ZNF33B: variants seen among roughly 807,000 people sequenced by gnomAD.
ZNF33B encodes the protein zinc finger protein 11b (KOX 2).
Under a neutral mutation model 45.8 loss-of-function variants are expected in ZNF33B, and 29 were observed. The observed-to-expected ratio is 0.63, with a 90% CI of 0.47 to 0.86. The LOEUF (loss-of-function observed/expected upper bound fraction) is 0.86. Among genes scored for constraint, ZNF33B ranks in the 40% least tolerant of loss-of-function variants. The pLI is 0.00. For missense variants in ZNF33B, 831 were observed against 909.9 expected, an observed-to-expected ratio of 0.91 and a Z score of 1.12; for synonymous variants, 305 against 307.8, an observed-to-expected ratio of 0.99 and a Z score of 0.10.
chr10:42,636,543 C>T (rs1466504791), intron 2 of ZNF33B, among the ~76,000 whole-genome samples: 1 of 152,200 alleles, frequency 6.6e-6, no homozygotes, highest in Non-Finnish European at 1.5e-5. Context: ...GACTCTTGGC[C>T]AGGCACGGTG....
intron 1 of ZNF33B, chr10:42,583,130 G>A (rs577238590): frequency 2.2e-5 from 17 of 781,858 alleles, no homozygotes; most frequent in Admixed American, 8.6e-5. Flanking sequence ...GGGCCTGGGA[G>A]GGAGTAAGCA....
At chr10:42,632,216 A>C in intron 3 of ZNF33B, 79 bp downstream of exon 3, 3 of 1,554,782 alleles carry the variant, frequency 1.9e-6, no homozygotes, top group Non-Finnish European at 2.6e-6. Context: ...TAATGTCATT[A>C]AACTAGACAG....
rs1409710732 is a variant in ZNF33B, at chr10:42,593,975, TC to T, written c.974del (p.Gly325GlufsTer128). ...CLSQLQKGDK[G>X]EKHFECNECG... ...ATTCATTACATTCAAAGTGTTTCTC[TC>T]CTTTATCACCTTTCTGAAGCTGTGA... On this transcript the variant is annotated frameshift_variant, in exon 5 of 5. Transcript: ENST00000359467. LOFTEE classifies it low-confidence loss of function (END_TRUNC). 6.2e-7 allele frequency: 1 copy of T among 1,613,990 alleles called. No homozygotes were observed. Among genetic ancestry groups the T allele is most frequent in the African/African-American group, 1.3e-5 (1 of 74,924 alleles).
chr10:42,629,492 T>C (rs185880356), intron 4 of ZNF33B, among the ~76,000 whole-genome samples: 11 of 152,278 alleles, frequency 7.2e-5, no homozygotes, highest in East Asian at 5.8e-4. Context: ...CTTGAGGGAA[T>C]AGATACCCAA....
chr10:42,584,525 C>CTTT (rs200015044), downstream of ZNF33B, among the ~76,000 whole-genome samples: 31 of 143,900 alleles, frequency 2.2e-4, 1 homozygote, highest in African/African-American at 7.8e-4. Flanking sequence ...TTCCTTTGAG[C>CTTT]TTTTTTTTTT....
chr10:42,585,515 TGGA>T, downstream of ZNF33B, among the ~76,000 whole-genome samples: 2 of 152,362 alleles, frequency 1.3e-5, no homozygotes, highest in South Asian at 4.1e-4. Flanking sequence ...TAGTTCTTAC[TGGA>T]GGAGATGGGA....
At chr10:42,583,744 A>G (rs1234986327) in intron 1 of ZNF33B, among the ~76,000 whole-genome samples, 1 of 151,998 alleles carries the variant, frequency 6.6e-6, no homozygotes, top group African/African-American at 2.4e-5. Flanking sequence ...ACTCGTCCAT[A>G]TTTTGCAGAC....
Position 42,594,461 on chromosome 10 carries a change from T to A in ZNF33B, c.489A>T (p.Leu163Phe). The A allele has an allele frequency of 6.2e-7, 1 of 1,613,594 alleles. No homozygotes were observed. Among genetic ancestry groups the A allele is most frequent in the Non-Finnish European group, 8.5e-7 (1 of 1,179,752 alleles). The part of the protein sequence containing the change: ...SELVISKINY[L>F]GKKSDEFNAC... Reference sequence around the variant, plus strand: ...CATTAAATTCGTCAGACTTTTTTCCTAAATAGTTTATCTTACTGATAACCA... The same window carrying A: ...CATTAAATTCGTCAGACTTTTTTCCAAAATAGTTTATCTTACTGATAACCA... Residue 163 changes from leucine to phenylalanine, a missense_variant, in exon 5 of 5, where the codon TTA becomes TTT. Leu to Phe is a conservative substitution (Grantham distance 22). Transcript: ENST00000359467.
intron 2 of ZNF33B, 128 bp from the exon 3 acceptor site, chr10:42,632,567 C>A: frequency 7.7e-7 from 1 of 1,294,212 alleles, no homozygotes; most frequent in Non-Finnish European, 1.0e-6. Context: ...CAGAAATATT[C>A]TGCCATTAAT....
chr10:42,602,093 G>C (rs1291330112), intron 4 of ZNF33B, among the ~76,000 whole-genome samples: 2 of 151,026 alleles, frequency 1.3e-5, no homozygotes, highest in Non-Finnish European at 1.5e-5. Context: ...TAATTTTTTT[G>C]TTGTTTCATT....
chr10:42,602,754 G>A (rs556305858), intron 4 of ZNF33B, among the ~76,000 whole-genome samples: 16 of 152,122 alleles, frequency 1.1e-4, no homozygotes, highest in East Asian at 5.8e-4. Flanking sequence ...GTTTTTCCAC[G>A]CTGGCTGGCA....
intron 1 of ZNF33B, among the ~76,000 whole-genome samples, chr10:42,577,602 C>G (rs1836766615): frequency 6.6e-6 from 1 of 152,076 alleles, no homozygotes; most frequent in Non-Finnish European, 1.5e-5. Flanking sequence ...CGGGGTTCTC[C>G]TCACTTGACA....
In ZNF33B at chr10:42,593,189, T is replaced by C. The variant is rs748550194; in HGVS notation, c.1761A>G (p.Gly587=). 6.2e-7 allele frequency: 1 copy of C among 1,608,086 alleles called. No homozygotes were observed. Among genetic ancestry groups the C allele is most frequent in the Non-Finnish European group, 8.5e-7 (1 of 1,178,050 alleles). Residue 587 remains glycine (G), a synonymous_variant, in exon 5 of 5, where the codon GGA becomes GGG. Transcript: ENST00000359467. ...GEKPYECHEC[G]KIFYNKSYLT... ...GGTATGATTTATTGTAAAAGATTTTTCCACATTCATGACATTCATAGGGTT... is the reference window on the plus strand; with the variant it reads ...GGTATGATTTATTGTAAAAGATTTTCCCACATTCATGACATTCATAGGGTT...
downstream of ZNF33B, among the ~76,000 whole-genome samples, chr10:42,588,005 C>A (rs546142130): frequency 6.6e-4 from 101 of 152,306 alleles, no homozygotes; most frequent in Middle Eastern, 6.8e-3. Context: ...CCACAAACCT[C>A]ACAATAGGCC....
chr10:42,605,312 G>A (rs547369504), intron 4 of ZNF33B: 13 of 144,906 alleles, frequency 9.0e-5, no homozygotes, highest in African/African-American at 3.0e-4. Context: ...ATCTGTTGAC[G>A]AAGAGAAAAT....
chr10:42,602,529 C>G (rs529950104), intron 4 of ZNF33B, among the ~76,000 whole-genome samples: 1 of 152,130 alleles, frequency 6.6e-6, no homozygotes, highest in Non-Finnish European at 1.5e-5. Context: ...GAGAGTTTTA[C>G]TTGGTTGGAT....
intron 4 of ZNF33B, among the ~76,000 whole-genome samples, chr10:42,611,277 G>A (rs1393579073): frequency 2.0e-5 from 3 of 152,078 alleles, no homozygotes; most frequent in African/African-American, 7.2e-5. Flanking sequence ...GGGGGCAGAA[G>A]TTGCAGTGAG....
At chr10:42,610,278 G>A (rs1390094269) in intron 4 of ZNF33B, among the ~76,000 whole-genome samples, 1 of 152,218 alleles carries the variant, frequency 6.6e-6, no homozygotes. Flanking sequence ...GCTCAAGCCT[G>A]TAATCCCAGC....
intron 2 of ZNF33B, among the ~76,000 whole-genome samples, chr10:42,632,693 C>T (rs1418562990): frequency 6.6e-6 from 1 of 152,192 alleles, no homozygotes; most frequent in Non-Finnish European, 1.5e-5. Context: ...TCAAAGAACA[C>T]ACAGAGTGGT....
Sources: allele counts gnomAD v4.1 joint callset (sites outside exome capture counted in the v4.1 genomes callset), GRCh38; gene constraint gnomAD v4.1.1; transcripts MANE v1.5; gene names NCBI Gene and HGNC (gene_info 2026-07-23, HGNC 2026-07-21).